Variants in HEMK2 observed in about 807,000 individuals in gnomAD.
The protein encoded by HEMK2 is HemK methyltransferase 2, ETF1 glutamine and histone H4 lysine.
chr21:28,879,911 G>A, the HEMK2 span: 6 of 1,599,796 alleles, frequency 3.8e-6, no homozygotes, highest in Admixed American at 1.7e-5. Flanking sequence ...TTAAACACCA[G>A]AAGATCAACT....
At chr21:28,653,099 C>T in the HEMK2 span, among the ~76,000 whole-genome samples, 67 of 151,964 alleles carry the variant, frequency 4.4e-4, no homozygotes, top group African/African-American at 1.4e-3. Context: ...TGCCAACTCT[C>T]GGCACACTTC....
the HEMK2 span, among the ~76,000 whole-genome samples, chr21:28,612,201 G>C: frequency 6.6e-6 from 1 of 150,886 alleles, no homozygotes; most frequent in Non-Finnish European, 1.5e-5. Context: ...TAGCTAGCCA[G>C]ATCCAACAGC....
the HEMK2 span, among the ~76,000 whole-genome samples, chr21:28,601,409 T>C: frequency 5.9e-5 from 9 of 152,180 alleles, no homozygotes; most frequent in African/African-American, 2.2e-4. Context: ...CTTGGAACAT[T>C]AGTCTCCCAG....
the HEMK2 span, among the ~76,000 whole-genome samples, chr21:28,834,268 A>G: frequency 7.9e-5 from 12 of 152,210 alleles, no homozygotes; most frequent in Admixed American, 4.6e-4. Context: ...GAGAGGACCC[A>G]CAGACCCTCT....
chr21:28,749,960 G>T, the HEMK2 span, among the ~76,000 whole-genome samples: 6 of 152,244 alleles, frequency 3.9e-5, no homozygotes, highest in African/African-American at 1.4e-4. Context: ...AAAATAATCC[G>T]TTATTAAGTC....
the HEMK2 span, among the ~76,000 whole-genome samples, chr21:28,870,180 T>C: frequency 6.6e-6 from 1 of 151,752 alleles, no homozygotes; most frequent in Non-Finnish European, 1.5e-5. Context: ...CAGAGAGTTT[T>C]GTTGTAGACA....
At chr21:28,592,061 T>C in the HEMK2 span, among the ~76,000 whole-genome samples, 1 of 152,212 alleles carries the variant, frequency 6.6e-6, no homozygotes, top group Non-Finnish European at 1.5e-5. Flanking sequence ...TGTGGGTATA[T>C]ACCCAGTAAT....
the HEMK2 span, among the ~76,000 whole-genome samples, chr21:28,852,255 C>G: frequency 6.6e-6 from 1 of 152,288 alleles, no homozygotes; most frequent in South Asian, 2.1e-4. Context: ...AGCCCTCACC[C>G]TATCAGTCAG....
chr21:28,839,016 A>C, the HEMK2 span, among the ~76,000 whole-genome samples: 1 of 118,276 alleles, frequency 8.5e-6, no homozygotes, highest in Non-Finnish European at 1.7e-5. Context: ...TATATACACA[A>C]TCTGCCATGA....
At chr21:28,773,600 T>C in the HEMK2 span, among the ~76,000 whole-genome samples, 6 of 152,150 alleles carry the variant, frequency 3.9e-5, no homozygotes, top group African/African-American at 1.2e-4. Flanking sequence ...CTCCTAGTAA[T>C]TGCATTTTAA....
At chr21:28,640,499 A>C in the HEMK2 span, among the ~76,000 whole-genome samples, 1 of 152,220 alleles carries the variant, frequency 6.6e-6, no homozygotes, top group African/African-American at 2.4e-5. Context: ...AGATCCTAGA[A>C]ACAATCAGAA....
the HEMK2 span, among the ~76,000 whole-genome samples, chr21:28,671,838 G>C: frequency 2.6e-5 from 4 of 152,276 alleles, 1 homozygote; most frequent in African/African-American, 9.6e-5. Flanking sequence ...GAAAATGTTA[G>C]TTTTAATGTC....
At chr21:28,615,274 C>T in the HEMK2 span, among the ~76,000 whole-genome samples, 1 of 152,004 alleles carries the variant, frequency 6.6e-6, no homozygotes, top group Non-Finnish European at 1.5e-5. Flanking sequence ...ATACATTCTT[C>T]GGGGTTTTAC....
the HEMK2 span, among the ~76,000 whole-genome samples, chr21:28,684,331 G>C: frequency 3.3e-5 from 5 of 152,190 alleles, no homozygotes; most frequent in African/African-American, 4.8e-5. Context: ...TTTTTAAACT[G>C]AAGTTTTCAC....
At chr21:28,841,960 C>T in the HEMK2 span, among the ~76,000 whole-genome samples, 1 of 152,192 alleles carries the variant, frequency 6.6e-6, no homozygotes, top group Non-Finnish European at 1.5e-5. Context: ...AAGCTTGAGG[C>T]TGCTTTCCTT....
the HEMK2 span, among the ~76,000 whole-genome samples, chr21:28,684,941 C>T: frequency 2.6e-5 from 4 of 152,310 alleles, no homozygotes; most frequent in East Asian, 7.7e-4. Context: ...GAGGTAAAGA[C>T]AGATTTTCAT....
At chr21:28,774,368 C>T in the HEMK2 span, among the ~76,000 whole-genome samples, 1 of 152,170 alleles carries the variant, frequency 6.6e-6, no homozygotes, top group East Asian at 1.9e-4. Context: ...GTGGGAGGAT[C>T]ACTGAGGCCA....
the HEMK2 span, among the ~76,000 whole-genome samples, chr21:28,714,500 A>C: frequency 6.6e-6 from 1 of 152,222 alleles, no homozygotes; most frequent in Non-Finnish European, 1.5e-5. Flanking sequence ...AGTAGGAAAA[A>C]TCAGCTCCAG....
the HEMK2 span, among the ~76,000 whole-genome samples, chr21:28,699,559 G>T: frequency 1.3e-5 from 2 of 152,090 alleles, no homozygotes; most frequent in African/African-American, 4.8e-5. Flanking sequence ...AAGTATCATT[G>T]GCATTTTAGG....
Sources: gnomAD v4.1 joint callset for allele counts (sites outside exome capture counted in the v4.1 genomes callset) on GRCh38, gnomAD v4.1.1 for gene constraint, MANE v1.5 for transcripts, NCBI Gene and HGNC (gene_info 2026-07-23, HGNC 2026-07-21) for gene names.